MCF2L2: variants seen among roughly 807,000 people sequenced by gnomAD.
The protein encoded by MCF2L2 is MCF.2 cell line derived transforming sequence-like 2.
A neutral mutation model predicts 150.2 loss-of-function variants in MCF2L2; 102 were observed. The ratio of observed to expected loss-of-function variants is 0.68; its 90% CI spans 0.58 to 0.80. The LOEUF is 0.80. Among genes scored for constraint, MCF2L2 ranks in the 30% least tolerant of loss-of-function variants. The pLI, the probability that MCF2L2 is intolerant of heterozygous loss-of-function variation, is 0.00. For synonymous variants in MCF2L2, 465 were observed against 491.3 expected (o/e 0.95, Z 0.71); for missense variants, 1,256 against 1,372.8 (o/e 0.91, Z 1.34).
At position 183,428,079 on chromosome 3, in the gene MCF2L2, C is replaced by T; in HGVS notation, c.-102G>A. The T allele has an allele frequency of 1.1e-6, 1 of 874,050 alleles. No homozygotes were observed. The highest frequency in any genetic ancestry group is 1.4e-5 in the South Asian group (1 of 73,784). The allele number at this position is 874,050 out of a possible 1,614,324, so 54.1% of individuals were successfully genotyped here. A position where few individuals can be genotyped will look rare whatever the true frequency, so the allele number is the denominator to read the frequency against. On this transcript the variant is annotated 5_prime_UTR_variant, in exon 1 of 30. Transcript: ENST00000328913. This position sits in a 1 kb window ranked among gnomAD's most constrained non-coding sequence, Gnocchi z 5.1. ...GCATCTCCGCCCAAGGATGCTCTGC[C>T]CTCGCCCTCTTCCTGGCTCTCCAGG...
intron 22 of MCF2L2, among the ~76,000 whole-genome samples, chr3:183,212,529 C>T (rs1722769090): frequency 6.6e-6 from 1 of 152,050 alleles, no homozygotes; most frequent in Non-Finnish European, 1.5e-5. Context: ...AGGTAAGAGC[C>T]CCGATACAAG....
intron 5 of MCF2L2, among the ~76,000 whole-genome samples, chr3:183,327,927 C>T (rs1488162110): frequency 6.6e-6 from 1 of 152,144 alleles, no homozygotes; most frequent in African/African-American, 2.4e-5. Flanking sequence ...TAATGAACCC[C>T]TTTGGTCACA....
At chr3:183,195,540 A>G (rs572446488) in intron 25 of MCF2L2, among the ~76,000 whole-genome samples, 1 of 152,258 alleles carries the variant, frequency 6.6e-6, no homozygotes, top group Admixed American at 6.5e-5. Context: ...TAGCTCCATT[A>G]ATACTGAATT....
chr3:183,367,505 C>T (rs924898206), intron 3 of MCF2L2, among the ~76,000 whole-genome samples: 1 of 152,210 alleles, frequency 6.6e-6, no homozygotes, highest in African/African-American at 2.4e-5. Flanking sequence ...GCAGGGATTA[C>T]AGGCGTGAGC....
chr3:183,252,302 G>A (rs572330168), intron 15 of MCF2L2, among the ~76,000 whole-genome samples: 1 of 152,198 alleles, frequency 6.6e-6, no homozygotes, highest in South Asian at 2.1e-4. Context: ...GTGGGTCACT[G>A]TCAATGACTC....
chr3:183,179,507 C>A lies in MCF2L2; in HGVS notation c.3222-4G>T. ...CTCCTCGGTGCTGCGGGTCGCCCTGCAATTCCGAGAAGAAAGTCAGAGACG... is the reference window on the plus strand; with the variant it reads ...CTCCTCGGTGCTGCGGGTCGCCCTGAAATTCCGAGAAGAAAGTCAGAGACG... On this transcript the variant is annotated splice_polypyrimidine_tract_variant and splice_region_variant and intron_variant, in intron 29 of 29. Coordinates refer to ENST00000328913, the MANE Select transcript of MCF2L2 (RefSeq NM_015078.4). The surrounding 1 kb of genome is among the most constrained non-coding windows in gnomAD (Gnocchi z 4.2). 1 of 1,610,224 alleles carries A rather than the reference C, an allele frequency of 6.2e-7. No individual in the cohort carries two copies. Among genetic ancestry groups the A allele is most frequent in the Non-Finnish European group, 8.5e-7 (1 of 1,177,474 alleles).
At chr3:183,219,763 G>C in intron 21 of MCF2L2, 93 bp downstream of exon 21, 1 of 816,728 alleles carries the variant, frequency 1.2e-6, no homozygotes, top group Non-Finnish European at 2.0e-6. Context: ...AGATAATAAA[G>C]ACCACCAAGT....
At chr3:183,268,518 C>G (rs115284159) in intron 15 of MCF2L2, among the ~76,000 whole-genome samples, 1 of 149,524 alleles carries the variant, frequency 6.7e-6, no homozygotes, top group African/African-American at 2.5e-5. Flanking sequence ...ATGGGGGGGG[C>G]GGTTCCAGAT....
intron 11 of MCF2L2, chr3:183,298,764 T>TGCGCGCGCGCGCGCGCGC (rs1553776998): frequency 1.7e-5 from 1 of 60,320 alleles, no homozygotes; most frequent in African/African-American, 1.5e-4. Flanking sequence ...CAAACACACA[T>TGCGCGCGCGCGCGCGCGC]GCACACACAC....
intron 21 of MCF2L2, among the ~76,000 whole-genome samples, chr3:183,216,559 T>TATATATATATATA: frequency 2.9e-4 from 1 of 3,500 alleles, no homozygotes; most frequent in Non-Finnish European, 6.4e-4. Flanking sequence ...ATATTATATA[T>TATATATATATATA]ATATATATAT....
Position 183,295,484 on chromosome 3 carries a change from T to C in MCF2L2, c.1498-7A>G. 1 of 1,613,822 alleles carries C rather than the reference T, an allele frequency of 6.2e-7. No individual in the cohort carries two copies. Among genetic ancestry groups the C allele is most frequent in the South Asian group, 1.1e-5 (1 of 91,068 alleles). ...AAACTTTCTGGGCTTTGGCCTACAG[T>C]AACAAAAGCAAATCATGATGAACAG... On this transcript the variant is annotated splice_region_variant and splice_polypyrimidine_tract_variant and intron_variant, in intron 12 of 29. Transcript: ENST00000328913.
At chr3:183,198,156 A>C (rs566422187) in intron 25 of MCF2L2, among the ~76,000 whole-genome samples, 1 of 152,364 alleles carries the variant, frequency 6.6e-6, no homozygotes, top group African/African-American at 2.4e-5. Flanking sequence ...ATTATTCAAA[A>C]TAGCCCCAAA....
At chr3:183,204,462 T>G (rs1206152612) in intron 25 of MCF2L2, among the ~76,000 whole-genome samples, 2 of 115,594 alleles carry the variant, frequency 1.7e-5, no homozygotes, top group African/African-American at 3.0e-5. Flanking sequence ...AGGATGGCAA[T>G]GATAATAATA....
intron 10 of MCF2L2, among the ~76,000 whole-genome samples, chr3:183,303,809 C>A: frequency 6.6e-6 from 1 of 152,152 alleles, no homozygotes; most frequent in Non-Finnish European, 1.5e-5. Context: ...TCCCAAGCTT[C>A]AAGCCCTTTC....
In MCF2L2 at chr3:183,403,890, A is replaced by C. The variant is rs138188434; in HGVS notation, c.77-14111T>G. On this transcript the variant is annotated intron_variant, in intron 1 of 29. Coordinates refer to ENST00000328913, the MANE Select transcript of MCF2L2 (RefSeq NM_015078.4). ...AGGTAACATACATGCAGTTTGTGTCAAAGTTATATCTTGAAACGGACAGGG... is the reference window on the plus strand; with the variant it reads ...AGGTAACATACATGCAGTTTGTGTCCAAGTTATATCTTGAAACGGACAGGG... 1.8e-3 allele frequency among the ~76,000 whole-genome samples: 273 copies of C among 152,294 alleles called. 2 individuals carry two copies. The highest frequency in any genetic ancestry group is 3.0e-3 in the Non-Finnish European group (202 of 68,000).
chr3:183,225,258 C>T (rs1723302793), intron 18 of MCF2L2: 3 of 152,248 alleles, frequency 2.0e-5, no homozygotes, highest in Admixed American at 2.0e-4. Flanking sequence ...ACTACAGCAA[C>T]CGTCCTTTGC....
intron 1 of MCF2L2, among the ~76,000 whole-genome samples, chr3:183,422,106 A>G (rs374037189): frequency 1.3e-5 from 2 of 152,264 alleles, no homozygotes; most frequent in East Asian, 1.9e-4. Context: ...TCAGGCAAAG[A>G]TAGTTTTTGA....
At chr3:183,325,502 T>C (rs902357538) in intron 5 of MCF2L2, among the ~76,000 whole-genome samples, 1 of 152,180 alleles carries the variant, frequency 6.6e-6, no homozygotes, top group Admixed American at 6.5e-5. Context: ...CTTTCCCACC[T>C]AAAAATTTTA....
intron 17 of MCF2L2, among the ~76,000 whole-genome samples, chr3:183,228,721 C>T (rs1457336836): frequency 2.0e-5 from 3 of 152,102 alleles, no homozygotes; most frequent in Non-Finnish European, 2.9e-5. Flanking sequence ...CACAGCTGTT[C>T]GGGTAATTCT....
Sources: allele counts gnomAD v4.1 joint callset (sites outside exome capture counted in the v4.1 genomes callset), GRCh38; gene constraint gnomAD v4.1.1; non-coding constraint Gnocchi (gnomAD v3.1); transcripts MANE v1.5; gene names NCBI Gene and HGNC (gene_info 2026-07-23, HGNC 2026-07-21).